The following FAF1 variants were observed in gnomAD, a reference collection of about 807,000 sequenced individuals.
FAF1 encodes FAS-associated factor 1.
A neutral mutation model predicts 92.5 loss-of-function variants in FAF1; 25 were observed. That is an observed-to-expected ratio of 0.27 (90% CI 0.20 to 0.38). The LOEUF (loss-of-function observed/expected upper bound fraction) is 0.38, where lower values mean the gene tolerates loss of function less well. Among genes scored for constraint, FAF1 ranks in the 10% least tolerant of loss-of-function variants. The pLI, the probability that FAF1 is intolerant of heterozygous loss-of-function variation, is 1.00. For missense variants in FAF1, 636 were observed against 793.3 expected (o/e 0.80, Z 2.38); for synonymous variants, 234 against 273.2 (o/e 0.86, Z 1.42).
chr1:50,447,052 A>G (rs1450534531), intron 18 of FAF1, among the ~76,000 whole-genome samples: 2 of 150,900 alleles, frequency 1.3e-5, no homozygotes, highest in Non-Finnish European at 1.5e-5. Flanking sequence ...CATGAGTTAC[A>G]GGCTTTAGGT....
At chr1:50,469,855 T>C (rs1408031928) in intron 18 of FAF1, among the ~76,000 whole-genome samples, 1 of 152,210 alleles carries the variant, frequency 6.6e-6, no homozygotes. Flanking sequence ...ATCATAGTTC[T>C]TTTTATCTGA....
intron 7 of FAF1, among the ~76,000 whole-genome samples, chr1:50,657,873 A>C (rs927112224): frequency 1.3e-5 from 2 of 152,208 alleles, no homozygotes; most frequent in African/African-American, 4.8e-5. Context: ...GAATGGCTTG[A>C]TCTGTACTCA....
At chr1:50,822,616 C>T (rs1644052923) in intron 2 of FAF1, among the ~76,000 whole-genome samples, 1 of 152,124 alleles carries the variant, frequency 6.6e-6, no homozygotes, top group South Asian at 2.1e-4. Context: ...TGTATAACTG[C>T]CTTCTCTATT....
chr1:50,759,360 T>C (rs1467452119), intron 4 of FAF1, among the ~76,000 whole-genome samples: 2 of 140,564 alleles, frequency 1.4e-5, no homozygotes, highest in South Asian at 2.5e-4. Flanking sequence ...GTCCAAGTGT[T>C]CTCATTGTTC....
chr1:50,766,692 AG>A (rs1421147738), intron 4 of FAF1, among the ~76,000 whole-genome samples: 2 of 151,432 alleles, frequency 1.3e-5, no homozygotes, highest in South Asian at 2.1e-4. Flanking sequence ...ACAACTCCAA[AG>A]GAAGGGAAAC....
At chr1:50,545,459 G>C (rs1648964219) in intron 13 of FAF1, among the ~76,000 whole-genome samples, 1 of 151,980 alleles carries the variant, frequency 6.6e-6, no homozygotes, top group African/African-American at 2.4e-5. Flanking sequence ...AGTAGAGATG[G>C]GGTTGCACCA....
At position 50,822,746 on chromosome 1, in the gene FAF1, T is replaced by TTTTTTTTC. The variant is rs1553143360; in HGVS notation, c.115-21070_115-21069insGAAAAAAA. Reference sequence around the variant, plus strand: ...AAAGGCTAGTAGTTTTTTTGGTGTTTTTTCTTTCTTTCTTTCTTTCTTTCT... The same window carrying TTTTTTTTC: ...AAAGGCTAGTAGTTTTTTTGGTGTTTTTTTTTTCTTTCTTTCTTTCTTTCTTTCTTTCT... On this transcript the variant is annotated intron_variant, in intron 2 of 18. Coordinates refer to ENST00000396153, the MANE Select transcript of FAF1 (RefSeq NM_007051.3). Among the ~76,000 whole-genome samples, 286 of 144,336 alleles carry TTTTTTTTC rather than the reference T, an allele frequency of 2.0e-3. 1 individual carries two copies. The highest frequency in any genetic ancestry group is 8.7e-3 in the East Asian group (44 of 5,074). The allele number at this position is 144,336 out of a possible 152,430, so 94.7% of individuals were successfully genotyped here. A position where few individuals can be genotyped will look rare whatever the true frequency, so the allele number is the denominator to read the frequency against.
intron 7 of FAF1, among the ~76,000 whole-genome samples, chr1:50,661,063 TAACA>T (rs1242506228): frequency 6.6e-6 from 1 of 151,944 alleles, no homozygotes; most frequent in Non-Finnish European, 1.5e-5. Context: ...GAAAAAAATA[TAACA>T]GACATCAAAA....
rs1646153656 is a variant in FAF1, at chr1:50,440,023, G to C, written c.*1417C>G. The C allele has an allele frequency of 3.9e-5, 6 of 152,206 alleles. No homozygotes were observed. Among genetic ancestry groups the C allele is most frequent in the Admixed American group, 3.3e-4 (5 of 15,284 alleles). 9.4% of individuals were successfully genotyped at this position (152,206 alleles called of 1,614,324 possible). On this transcript the variant is annotated 3_prime_UTR_variant, in exon 19 of 19. Coordinates refer to ENST00000396153, the MANE Select transcript of FAF1 (RefSeq NM_007051.3). The stretch of plus-strand genomic sequence containing the variant: ...CTTCTGGGCAGAAGGAAAATGAGCA[G>C]ACCTATCTCCAGCTTTGGTTAGAAT...
chr1:50,695,447 T>A (rs1359172560), intron 7 of FAF1, among the ~76,000 whole-genome samples: 2 of 152,138 alleles, frequency 1.3e-5, no homozygotes, highest in African/African-American at 2.4e-5. Context: ...AGGAGGCTTA[T>A]TTCCAGCAGA....
intron 8 of FAF1, among the ~76,000 whole-genome samples, chr1:50,626,124 T>C: frequency 6.6e-6 from 1 of 152,180 alleles, no homozygotes; most frequent in East Asian, 1.9e-4. Flanking sequence ...GGTATAATGA[T>C]CCCAATTCCT....
intron 6 of FAF1, among the ~76,000 whole-genome samples, chr1:50,713,569 C>T (rs59930153): frequency 6.6e-5 from 10 of 151,222 alleles, no homozygotes; most frequent in African/African-American, 1.9e-4. Context: ...CCATCGCGTC[C>T]GGCCAAAAAA....
intron 1 of FAF1, among the ~76,000 whole-genome samples, chr1:50,958,305 T>C (rs1009858664): frequency 6.6e-6 from 1 of 152,174 alleles, no homozygotes; most frequent in African/African-American, 2.4e-5. Context: ...TATATGCATA[T>C]TCCTAATACC....
intron 13 of FAF1, among the ~76,000 whole-genome samples, chr1:50,541,902 T>C (rs1181501440): frequency 6.6e-6 from 1 of 152,152 alleles, no homozygotes; most frequent in Non-Finnish European, 1.5e-5. Context: ...ATAAAATAAT[T>C]ATGAAAATGT....
chr1:50,735,423 T>C (rs2124480150), intron 6 of FAF1, among the ~76,000 whole-genome samples: 1 of 152,334 alleles, frequency 6.6e-6, no homozygotes, highest in African/African-American at 2.4e-5. Flanking sequence ...AAATTCTGTT[T>C]TCTGAAACAC....
chr1:50,919,427 A>G (rs1057169524), intron 1 of FAF1, among the ~76,000 whole-genome samples: 8 of 152,166 alleles, frequency 5.3e-5, no homozygotes, highest in Non-Finnish European at 8.8e-5. Context: ...AAGCTATATA[A>G]CACGTATAAG....
intron 3 of FAF1, 81 bp from the exon 4 acceptor site, chr1:50,788,286 T>C: frequency 8.2e-7 from 1 of 1,219,494 alleles, no homozygotes; most frequent in Non-Finnish European, 1.2e-6. Flanking sequence ...CATACTTGGC[T>C]TGTGTTGTTC....
intron 3 of FAF1, among the ~76,000 whole-genome samples, chr1:50,794,049 C>T (rs538165833): frequency 1.3e-5 from 2 of 152,280 alleles, no homozygotes; most frequent in East Asian, 3.9e-4. Context: ...ATGTGAAATA[C>T]TTCTGGTCCT....
chr1:50,575,815 G>A (rs1650704739), intron 12 of FAF1, among the ~76,000 whole-genome samples: 1 of 152,202 alleles, frequency 6.6e-6, no homozygotes, highest in Admixed American at 6.5e-5. Context: ...ATTGTGTGGT[G>A]AGCTAGAAAC....
Sources: gnomAD v4.1 joint callset for allele counts (sites outside exome capture counted in the v4.1 genomes callset) on GRCh38, gnomAD v4.1.1 for gene constraint, MANE v1.5 for transcripts, NCBI Gene and HGNC (gene_info 2026-07-23, HGNC 2026-07-21) for gene names.